Variants in POLN observed in about 807,000 individuals in gnomAD.
POLN encodes DNA polymerase nu.
Under a neutral mutation model 113.5 loss-of-function variants are expected in POLN, and 108 were observed. That is an observed-to-expected ratio of 0.95 (90% confidence interval 0.81 to 1.12). The LOEUF (loss-of-function observed/expected upper bound fraction) is 1.12. Ranked by LOEUF, POLN falls within the 50% of genes most tolerant of loss-of-function variation. POLN has a pLI of 0.00. For synonymous variants in POLN, 386 were observed against 391.5 expected (o/e 0.99, Z 0.17); for missense variants, 1,097 against 1,077.1 (o/e 1.02, Z -0.26).
At chr4:2,090,022 A>C in intron 20 of POLN, 1 of 887,144 alleles carries the variant, frequency 1.1e-6, no homozygotes, top group East Asian at 2.6e-5. Context: ...CCTATGGAGT[A>C]AACAGTGACT....
At chr4:2,140,572 C>A (rs188724606) in intron 16 of POLN, among the ~76,000 whole-genome samples, 173 of 152,232 alleles carry the variant, frequency 1.1e-3, no homozygotes, top group South Asian at 7.9e-3. Flanking sequence ...CATGGCAGAG[C>A]CCCATCTCTA....
intron 20 of POLN, among the ~76,000 whole-genome samples, chr4:2,091,994 T>C (rs142604976): frequency 1.3e-5 from 2 of 152,154 alleles, no homozygotes; most frequent in East Asian, 1.9e-4. Context: ...GACCTGACAT[T>C]GAATCCTACG....
At chr4:2,192,215 C>CT (rs2108756511) in intron 7 of POLN, among the ~76,000 whole-genome samples, 1 of 151,372 alleles carries the variant, frequency 6.6e-6, no homozygotes, top group East Asian at 1.9e-4. Context: ...ATAAAAAGGG[C>CT]TTTTTCCAAC....
At chr4:2,172,367 G>A (rs1034371527) in intron 11 of POLN, among the ~76,000 whole-genome samples, 4 of 149,210 alleles carry the variant, frequency 2.7e-5, no homozygotes, top group African/African-American at 9.8e-5. Flanking sequence ...GAGCTCAACG[G>A]ACTCATGTAC....
intron 2 of POLN, among the ~76,000 whole-genome samples, chr4:2,237,059 CTCT>C (rs1007621745): frequency 7.9e-5 from 12 of 151,994 alleles, no homozygotes; most frequent in South Asian, 2.1e-4. Context: ...AGATATAAAA[CTCT>C]TCTTAACTTT....
chr4:2,131,923 G>A (rs1287724313), intron 16 of POLN, among the ~76,000 whole-genome samples: 1 of 152,066 alleles, frequency 6.6e-6, no homozygotes, highest in East Asian at 1.9e-4. Flanking sequence ...TTGGATTCTT[G>A]GCAGTACCTT....
chr4:2,074,647 G>C (rs1002462572), intron 24 of POLN, among the ~76,000 whole-genome samples: 5 of 152,166 alleles, frequency 3.3e-5, no homozygotes, highest in Admixed American at 6.5e-5. Context: ...GGCCTGGAGA[G>C]GGTGGGGCTA....
intron 7 of POLN, among the ~76,000 whole-genome samples, chr4:2,185,417 G>A (rs184625507): frequency 6.6e-6 from 1 of 152,222 alleles, no homozygotes; most frequent in African/African-American, 2.4e-5. Flanking sequence ...GACAGAGGAA[G>A]GGAGAACATA....
At chr4:2,236,168 T>C in intron 2 of POLN, 10 of 976,942 alleles carry the variant, frequency 1.0e-5, no homozygotes, top group South Asian at 1.5e-5. Flanking sequence ...TTTTCTTTAA[T>C]ATCTTTTACA....
intron 20 of POLN, chr4:2,090,630 G>T: frequency 2.5e-6 from 1 of 398,442 alleles, no homozygotes. Context: ...CGGTGGAGAG[G>T]GCGTTTGCTA....
intron 10 of POLN, 72 bp downstream of exon 10, chr4:2,174,619 G>T: frequency 1.6e-6 from 2 of 1,276,278 alleles, no homozygotes; most frequent in Non-Finnish European, 2.3e-6. Context: ...AAGGTATGGA[G>T]AAATGTTCAT....
chr4:2,222,931 G>C (rs776676919), intron 3 of POLN, among the ~76,000 whole-genome samples: 6 of 152,032 alleles, frequency 3.9e-5, no homozygotes, highest in Non-Finnish European at 8.8e-5. Flanking sequence ...GCTTACCTGC[G>C]GGAGACCAAA....
intron 3 of POLN, among the ~76,000 whole-genome samples, chr4:2,216,699 C>A (rs574110534): frequency 6.6e-6 from 1 of 152,362 alleles, no homozygotes; most frequent in Admixed American, 6.5e-5. Context: ...CAAACCCATG[C>A]CTGTAACGTG....
At position 2,174,666 on chromosome 4, in the gene POLN, G is replaced by A. The variant is rs765032841; in HGVS notation, c.1309+25C>T. Reference sequence around the variant, plus strand: ...TGAAGAACCCTCTAGAAAAATGGCTGTACTTCATCTTTATGGTAACTTACC... The same window carrying A: ...TGAAGAACCCTCTAGAAAAATGGCTATACTTCATCTTTATGGTAACTTACC... On this transcript the variant is annotated intron_variant, in intron 10 of 25. Coordinates refer to ENST00000511885, the MANE Select transcript of POLN (RefSeq NM_181808.4). 29 of 1,573,408 alleles carry A rather than the reference G, an allele frequency of 1.8e-5. No individual in the cohort carries two copies. In the Admixed American group the frequency reaches 3.5e-4, roughly 19 times the overall value.
rs894233173 is a variant in POLN at position 2,184,483 on chromosome 4, A to G, written c.1022-5018T>C. On this transcript the variant is annotated intron_variant, in intron 7 of 25. Transcript: ENST00000511885. ...TACAAAGGATTCTTCAGTATGTTTT[A>G]AAGGAGATCAATAAGGTTAAGTAAA... Among the ~76,000 whole-genome samples, 6 of 152,192 alleles carry G rather than the reference A, an allele frequency of 3.9e-5. No homozygotes were observed. In the South Asian group the frequency reaches 1.2e-3, roughly 31 times the overall value.
chr4:2,082,154 C>T (rs142856208), intron 21 of POLN, among the ~76,000 whole-genome samples: 6 of 152,096 alleles, frequency 3.9e-5, no homozygotes, highest in African/African-American at 1.4e-4. Flanking sequence ...TGGGGTTCCA[C>T]CAAGTTGGCC....
intron 20 of POLN, chr4:2,089,985 A>G (rs1730629049): frequency 5.4e-6 from 5 of 927,198 alleles, no homozygotes; most frequent in Non-Finnish European, 8.5e-6. Flanking sequence ...GTTTCTTTTC[A>G]CTTTTAAGTC....
chr4:2,114,851 T>C (rs1731277985), intron 19 of POLN, among the ~76,000 whole-genome samples: 1 of 151,950 alleles, frequency 6.6e-6, no homozygotes, highest in Non-Finnish European at 1.5e-5. Context: ...CTCTTCTGCT[T>C]GTGAGATGCC....
In POLN at chr4:2,136,345, T is replaced by C. The variant is rs536963808; in HGVS notation, c.1732-5055A>G. On this transcript the variant is annotated intron_variant, in intron 16 of 25. Coordinates refer to ENST00000511885, the MANE Select transcript of POLN (RefSeq NM_181808.4). ...GTGGAGATCACTTCTCAGCTGCCTG[T>C]TAAATAAGCCCAGCTGAACCCCGCA... 4.6e-5 allele frequency among the ~76,000 whole-genome samples: 7 copies of C among 152,316 alleles called. No individual in the cohort carries two copies. In the South Asian group the frequency reaches 1.5e-3, roughly 32 times the overall value.
Sources: gnomAD v4.1 joint callset for allele counts (sites outside exome capture counted in the v4.1 genomes callset) on GRCh38, gnomAD v4.1.1 for gene constraint, MANE v1.5 for transcripts, NCBI Gene and HGNC (gene_info 2026-07-23, HGNC 2026-07-21) for gene names.